Variants in DCX observed in about 807,000 individuals in gnomAD.
The protein encoded by DCX is doublecortin.
Under a neutral mutation model 20.9 loss-of-function variants are expected in DCX, and 4 were observed. The ratio of observed to expected loss-of-function variants is 0.19; its 90% confidence interval spans 0.09 to 0.44. The LOEUF (loss-of-function observed/expected upper bound fraction) is 0.44. Among genes scored for constraint, DCX ranks in the 20% least tolerant of loss-of-function variants. The probability of loss-of-function intolerance (pLI) is 0.99; values close to 1 mark genes in which losing one functional copy is unlikely to be tolerated. For missense variants in DCX, 133 were observed against 296.9 expected, an observed-to-expected ratio of 0.45 and a Z score of 4.06; for synonymous variants, 103 against 111.4, an observed-to-expected ratio of 0.92 and a Z score of 0.47.
chrX:111,335,707 G>A (rs934922234), intron 3 of DCX, among the ~76,000 whole-genome samples: 5 of 112,171 alleles, frequency 4.5e-5, no homozygotes, highest in Admixed American at 9.4e-5. Flanking sequence ...CAGCACTTTG[G>A]GAGGCCAAGG....
intron 5 of DCX, among the ~76,000 whole-genome samples, chrX:111,318,776 A>G (rs1320944402): frequency 9.0e-6 from 1 of 111,091 alleles, no homozygotes; most frequent in Admixed American, 9.6e-5. Flanking sequence ...GGTGAACAAC[A>G]GTCAATGGGG....
intron 3 of DCX, 28 bp downstream of exon 3, chrX:111,400,962 G>A (rs778775737): frequency 4.1e-5 from 48 of 1,177,168 alleles, no homozygotes; most frequent in Non-Finnish European, 5.0e-5. Flanking sequence ...TAGAAAAAAC[G>A]GGAAAAGTAC....
Position 111,374,876 on chromosome X carries a change from G to T in DCX, c.705+26114C>A, listed in dbSNP as rs191085708. On this transcript the variant is annotated intron_variant, in intron 3 of 6. Coordinates refer to ENST00000636035, the MANE Select transcript of DCX (RefSeq NM_001195553.2). ...TGCTGCTATTGTTAACTTATAGGTT[G>T]TCTCGCCACCTGCTGTTAGGCTTCT... Among the ~76,000 whole-genome samples the T allele has an allele frequency of 2.1e-4, 23 of 107,487 alleles. No individual in the cohort carries two copies. In the East Asian group the frequency reaches 6.8e-3, roughly 32 times the overall value. The allele number at this position is 107,487 out of a possible 115,157, so 93.3% of individuals were successfully genotyped here. A position where few individuals can be genotyped will look rare whatever the true frequency, so the allele number is the denominator to read the frequency against.
chrX:111,330,777 C>A (rs1921143175), intron 5 of DCX, 127 bp downstream of exon 5: 1 of 1,003,734 alleles, frequency 1.0e-6, no homozygotes, highest in Admixed American at 2.2e-5. Flanking sequence ...GTTTTAGTCC[C>A]TGAATTGATA....
At chrX:111,397,848 TGTGA>T (rs747185203) in intron 3 of DCX, among the ~76,000 whole-genome samples, 71 of 110,571 alleles carry the variant, frequency 6.4e-4, no homozygotes, top group African/African-American at 2.2e-3. Context: ...TATATGTATG[TGTGA>T]GTATGTGTGT....
chrX:111,387,670 T>C (rs1926625264), intron 3 of DCX, among the ~76,000 whole-genome samples: 2 of 111,984 alleles, frequency 1.8e-5, no homozygotes, highest in Non-Finnish European at 3.8e-5. Flanking sequence ...CTGTAATGTC[T>C]CTGGTGAGTA....
At position 111,321,070 on chromosome X, in the gene DCX, A is replaced by C. The variant is rs746661858; in HGVS notation, c.947-8334T>G. Among the ~76,000 whole-genome samples the C allele has an allele frequency of 2.7e-5, 3 of 111,865 alleles. No homozygotes were observed. The East Asian group carries it at 8.4e-4, about 31-fold the overall frequency. On this transcript the variant is annotated intron_variant, in intron 5 of 6. Transcript: ENST00000636035. ...GAAAGTTGTGGCTGAGAAAAGAGAA[A>C]GTAATGAAAAGAAGATAGACACCAG... is the stretch of plus-strand genomic sequence containing the variant.
At chrX:111,408,695 G>A (rs376078517) in intron 2 of DCX, among the ~76,000 whole-genome samples, 52 of 91,405 alleles carry the variant, frequency 5.7e-4, no homozygotes, top group South Asian at 4.2e-3. Flanking sequence ...AGAAAGAAAG[G>A]AAGGAAGTCG....
chrX:111,373,521 A>T (rs1925277505), intron 3 of DCX, among the ~76,000 whole-genome samples: 1 of 111,480 alleles, frequency 9.0e-6, no homozygotes, highest in African/African-American at 3.3e-5. Flanking sequence ...TTGCTGAGCC[A>T]AGAAATAGGA....
intron 2 of DCX, 120 bp from the exon 3 acceptor site, chrX:111,401,450 A>G: frequency 1.6e-6 from 1 of 634,474 alleles, no homozygotes. Context: ...GATACTAACC[A>G]ACCTTAGGTG....
intron 5 of DCX, among the ~76,000 whole-genome samples, chrX:111,316,094 A>T (rs866563756): frequency 0.038 from 3,555 of 94,320 alleles, 155 homozygotes; most frequent in African/African-American, 0.11. Flanking sequence ...AATAAAAAAA[A>T]AAAAAAAAAA....
intron 3 of DCX, among the ~76,000 whole-genome samples, chrX:111,340,787 G>C (rs1042263356): frequency 9.0e-6 from 1 of 111,270 alleles, no homozygotes; most frequent in African/African-American, 3.3e-5. Flanking sequence ...CTACAGAAGA[G>C]GGACCTGACC....
In DCX at chrX:111,297,128, A is replaced by C. The variant is rs2095023205; in HGVS notation, c.*4559T>G. On this transcript the variant is annotated 3_prime_UTR_variant, in exon 7 of 7. Transcript: ENST00000636035. Reference sequence around the variant, plus strand: ...TGAGTAAGGCCTGGAAATGGATCCAAGTGGCCCTATGTGGCCAAAGACAGG... The same window carrying C: ...TGAGTAAGGCCTGGAAATGGATCCACGTGGCCCTATGTGGCCAAAGACAGG... 8.9e-6 allele frequency: 1 copy of C among 112,305 alleles called. No homozygotes were observed. The highest frequency in any genetic ancestry group is 9.4e-5 in the Admixed American group (1 of 10,617). 9.3% of individuals were successfully genotyped at this position (112,305 alleles called of 1,213,427 possible). A position where few individuals can be genotyped will look rare whatever the true frequency, so the allele number is the denominator to read the frequency against.
intron 3 of DCX, among the ~76,000 whole-genome samples, chrX:111,400,615 T>A (rs1927695534): frequency 8.9e-6 from 1 of 112,395 alleles, no homozygotes; most frequent in African/African-American, 3.2e-5. Context: ...ATCTAAAAAG[T>A]AATGAATGGG....
chrX:111,380,586 G>T, intron 3 of DCX, among the ~76,000 whole-genome samples: 1 of 110,978 alleles, frequency 9.0e-6, no homozygotes, highest in Non-Finnish European at 1.9e-5. Flanking sequence ...TTGAAATTAG[G>T]AAGTATAAGT....
chrX:111,362,219 A>T (rs998417132), intron 3 of DCX, among the ~76,000 whole-genome samples: 1 of 111,527 alleles, frequency 9.0e-6, no homozygotes, highest in African/African-American at 3.3e-5. Flanking sequence ...AGTTCATAAG[A>T]ATGCCCTTGA....
rs1295712497 is a variant in DCX at position 111,359,316 on chromosome X, AT to A, written c.706-26164del. ...TCAAGGTGGCATCAGTGGAGAAACAATTATTTTATAAATTGGATTCAGAGAT... is the reference window on the plus strand; with the variant it reads ...TCAAGGTGGCATCAGTGGAGAAACAATATTTTATAAATTGGATTCAGAGAT... On this transcript the variant is annotated intron_variant, in intron 3 of 6. Coordinates refer to ENST00000636035, the MANE Select transcript of DCX (RefSeq NM_001195553.2). 3.7e-4 allele frequency among the ~76,000 whole-genome samples: 41 copies of A among 111,925 alleles called. No individual in the cohort carries two copies. The Admixed American group carries it at 3.9e-3, about 11-fold the overall frequency.
intron 2 of DCX, among the ~76,000 whole-genome samples, chrX:111,404,095 G>A (rs866247711): frequency 2.9e-4 from 8 of 27,423 alleles, no homozygotes; most frequent in Non-Finnish European, 8.7e-4. Flanking sequence ...AAAATAAAAT[G>A]CTGATCCCAG....
intron 3 of DCX, among the ~76,000 whole-genome samples, chrX:111,368,899 C>CAT (rs1445235198): frequency 2.1e-5 from 2 of 93,134 alleles, no homozygotes; most frequent in African/African-American, 1.1e-4. Context: ...TATATATATA[C>CAT]ATACACACAC....
Sources: allele counts gnomAD v4.1 joint callset (sites outside exome capture counted in the v4.1 genomes callset), GRCh38; gene constraint gnomAD v4.1.1; transcripts MANE v1.5; gene names NCBI Gene and HGNC (gene_info 2026-07-23, HGNC 2026-07-21).